Variants in COL22A1 observed in about 807,000 individuals in gnomAD.
COL22A1 encodes collagen type XXII alpha 1 chain.
Under a neutral mutation model 248.9 loss-of-function variants are expected in COL22A1, and 221 were observed. That is an observed-to-expected ratio of 0.89 (90% CI 0.80 to 0.99). COL22A1 has a LOEUF of 0.99. Ranked by LOEUF, COL22A1 falls within the 50% of genes least tolerant of loss-of-function variation. The pLI is 0.00. For synonymous variants in COL22A1, 891 were observed against 793.4 expected (o/e 1.12, Z -2.07); for missense variants, 2,240 against 2,179.0 (o/e 1.03, Z -0.56).
intron 16 of COL22A1, among the ~76,000 whole-genome samples, chr8:138,763,568 G>A (rs1001152791): frequency 6.6e-6 from 1 of 152,054 alleles, no homozygotes; most frequent in Non-Finnish European, 1.5e-5. Flanking sequence ...TTCCCAGTGG[G>A]GGTCCTTCTT....
Position 138,732,540 on chromosome 8 carries a change from T to G in COL22A1, c.2139+4984A>C, listed in dbSNP as rs1239454551. Among the ~76,000 whole-genome samples, 3 of 152,366 alleles carry G rather than the reference T, an allele frequency of 2.0e-5. No individual in the cohort carries two copies. In the East Asian group the frequency reaches 5.8e-4, roughly 29 times the overall value. ...ACGTGTGAATTAAAGAAGTGTGAACTAGGCCAGAACTCAGAGGACTTCACA... is the reference window on the plus strand; with the variant it reads ...ACGTGTGAATTAAAGAAGTGTGAACGAGGCCAGAACTCAGAGGACTTCACA... On this transcript the variant is annotated intron_variant, in intron 23 of 64. Transcript: ENST00000303045.
intron 40 of COL22A1, among the ~76,000 whole-genome samples, chr8:138,678,861 C>G (rs1156486063): frequency 6.6e-6 from 1 of 152,128 alleles, no homozygotes; most frequent in Non-Finnish European, 1.5e-5. Flanking sequence ...TTAAAAACAA[C>G]TATATAAGGT....
chr8:138,878,498 G>C (rs1175837338), intron 2 of COL22A1, among the ~76,000 whole-genome samples, 182 bp from the exon 3 acceptor site: 1 of 151,974 alleles, frequency 6.6e-6, no homozygotes, highest in Non-Finnish European at 1.5e-5. Context: ...CCTTCACATG[G>C]CAATAATGAT....
chr8:138,785,063 C>G (rs774730092), intron 12 of COL22A1, among the ~76,000 whole-genome samples: 1 of 152,140 alleles, frequency 6.6e-6, no homozygotes, highest in Admixed American at 6.5e-5. Context: ...TCATGGCTAC[C>G]AGGGAGTCTA....
At chr8:138,775,616 C>T (rs913251398) in intron 16 of COL22A1, among the ~76,000 whole-genome samples, 5 of 152,148 alleles carry the variant, frequency 3.3e-5, no homozygotes, top group Non-Finnish European at 7.3e-5. Flanking sequence ...AAGTAAGATA[C>T]GAGTCCTCTG....
intron 21 of COL22A1, among the ~76,000 whole-genome samples, chr8:138,752,085 T>G (rs930535418): frequency 6.6e-6 from 1 of 152,236 alleles, no homozygotes; most frequent in African/African-American, 2.4e-5. Flanking sequence ...GCAAGTCACT[T>G]GGTGCCGTTA....
At chr8:138,883,956 C>T (rs1296984260) in intron 1 of COL22A1, among the ~76,000 whole-genome samples, 3 of 152,162 alleles carry the variant, frequency 2.0e-5, no homozygotes, top group Admixed American at 1.3e-4. Flanking sequence ...CATGATCTAC[C>T]CACCCTGTCC....
intron 3 of COL22A1, among the ~76,000 whole-genome samples, chr8:138,867,048 G>C (rs76072136): frequency 6.6e-6 from 1 of 152,124 alleles, no homozygotes; most frequent in Non-Finnish European, 1.5e-5. Context: ...TATATTATCC[G>C]ATGTTGGCAA....
At chr8:138,687,741 A>T (rs1564194021) in intron 37 of COL22A1, among the ~76,000 whole-genome samples, 1 of 152,194 alleles carries the variant, frequency 6.6e-6, no homozygotes, top group East Asian at 1.9e-4. Context: ...CAGATGAGAA[A>T]ATCCAGGTTC....
At chr8:138,735,058 C>T (rs1410770751) in intron 23 of COL22A1, among the ~76,000 whole-genome samples, 1 of 152,168 alleles carries the variant, frequency 6.6e-6, no homozygotes, top group Non-Finnish European at 1.5e-5. Flanking sequence ...GGACAAATAC[C>T]TAATGCATGT....
At chr8:138,811,029 G>A (rs1431407520) in intron 9 of COL22A1, among the ~76,000 whole-genome samples, 1 of 152,148 alleles carries the variant, frequency 6.6e-6, no homozygotes. Flanking sequence ...CCCCAGCACA[G>A]TTCTACTTGG....
At chr8:138,740,916 C>T (rs1466287853) in intron 22 of COL22A1, among the ~76,000 whole-genome samples, 1 of 152,284 alleles carries the variant, frequency 6.6e-6, no homozygotes, top group East Asian at 1.9e-4. Flanking sequence ...GTAGCCACAG[C>T]CACAGGAACC....
intron 5 of COL22A1, 99 bp from the exon 6 acceptor site, chr8:138,826,880 T>A (rs1438442122): frequency 1.4e-5 from 20 of 1,392,888 alleles, no homozygotes; most frequent in Non-Finnish European, 1.9e-5. Context: ...GCCCTGCCAA[T>A]TTGACTTCCT....
intron 12 of COL22A1, among the ~76,000 whole-genome samples, chr8:138,781,629 G>A (rs1246251973): frequency 6.6e-6 from 1 of 152,170 alleles, no homozygotes; most frequent in Non-Finnish European, 1.5e-5. Flanking sequence ...GGGAAGTTGG[G>A]GGCTAGACCA....
chr8:138,844,004 C>T, intron 4 of COL22A1, 80 bp downstream of exon 4: 1 of 1,265,264 alleles, frequency 7.9e-7, no homozygotes, highest in Admixed American at 1.7e-5. Context: ...TGAGGCCACC[C>T]CTGAATTGAC....
intron 16 of COL22A1, among the ~76,000 whole-genome samples, chr8:138,768,506 A>G (rs1478686346): frequency 1.3e-5 from 2 of 152,226 alleles, no homozygotes; most frequent in Admixed American, 6.5e-5. Context: ...CAAGAACTCA[A>G]ACCCCTAGCA....
Position 138,684,423 on chromosome 8 carries a change from A to G in COL22A1, c.3012+2T>C, listed in dbSNP as rs1358076153. ...CCACAGTTTTCTTGGACAAGCACTC[A>G]CCTTGGTTCCTAGGGGTCCAGGGAG... is the stretch of plus-strand genomic sequence containing the variant. On this transcript the variant is annotated splice_donor_variant, in intron 39 of 64. Transcript: ENST00000303045. LOFTEE classifies it high-confidence loss of function. 6.2e-7 allele frequency: 1 copy of G among 1,606,990 alleles called. No individual in the cohort carries two copies. The highest frequency in any genetic ancestry group is 8.5e-7 in the Non-Finnish European group (1 of 1,173,696).
At chr8:138,714,054 A>G (rs1423288849) in intron 30 of COL22A1, among the ~76,000 whole-genome samples, 1 of 152,190 alleles carries the variant, frequency 6.6e-6, no homozygotes, top group Non-Finnish European at 1.5e-5. Context: ...GGTTGGAGAG[A>G]GTAGGCATAC....
intron 1 of COL22A1, among the ~76,000 whole-genome samples, chr8:138,894,729 C>A (rs1364381158): frequency 6.6e-6 from 1 of 152,188 alleles, no homozygotes; most frequent in Admixed American, 6.5e-5. Context: ...TATGTCCCAT[C>A]TCTGACCTTA....
Sources: gnomAD v4.1 joint callset for allele counts (sites outside exome capture counted in the v4.1 genomes callset) on GRCh38, gnomAD v4.1.1 for gene constraint, MANE v1.5 for transcripts, NCBI Gene and HGNC (gene_info 2026-07-23, HGNC 2026-07-21) for gene names.